Variants in ANO10 observed in about 807,000 individuals in gnomAD.
ANO10 encodes anoctamin-10.
A neutral mutation model predicts 74.7 loss-of-function variants in ANO10; 77 were observed. That is an observed-to-expected ratio of 1.03 (90% confidence interval 0.86 to 1.25). The LOEUF is 1.25. Among genes scored for constraint, ANO10 ranks in the 50% most tolerant of loss-of-function variants. The pLI is 0.00. For missense variants in ANO10, 721 were observed against 778.1 expected (o/e 0.93, Z 0.87); for synonymous variants, 279 against 284.9 (o/e 0.98, Z 0.21).
intron 4 of ANO10, among the ~76,000 whole-genome samples, chr3:43,592,895 T>TAGAGA (rs1482256632): frequency 6.6e-5 from 10 of 152,000 alleles, no homozygotes; most frequent in Admixed American, 6.6e-4. Context: ...ATAAATAGCA[T>TAGAGA]AGAGAAGAGA....
chr3:43,520,850 T>C (rs2077922691), intron 11 of ANO10, among the ~76,000 whole-genome samples: 1 of 152,194 alleles, frequency 6.6e-6, no homozygotes, highest in African/African-American at 2.4e-5. Context: ...GTTGGATCTA[T>C]AGATCAATTG....
chr3:43,374,127 G>A (rs558916444), intron 12 of ANO10, among the ~76,000 whole-genome samples: 73 of 152,166 alleles, frequency 4.8e-4, no homozygotes, highest in Non-Finnish European at 8.7e-4. Context: ...CCATGGGTCT[G>A]GGCATCAGTC....
chr3:43,550,266 A>T (rs2079398422), intron 10 of ANO10, among the ~76,000 whole-genome samples: 1 of 152,238 alleles, frequency 6.6e-6, no homozygotes, highest in Admixed American at 6.5e-5. Context: ...ATCACACACC[A>T]CATCTGACTC....
Position 43,491,351 on chromosome 3 carries a change from T to C in ANO10, c.1797+58369A>G, listed in dbSNP as rs2076714336. ...CAACATGGCGAAACCCCATCTCTACTAAAAATGCAAAAATTAGCCAGGCGT... is the reference window on the plus strand; with the variant it reads ...CAACATGGCGAAACCCCATCTCTACCAAAAATGCAAAAATTAGCCAGGCGT... On this transcript the variant is annotated intron_variant, in intron 11 of 12. Coordinates refer to ENST00000292246, the MANE Select transcript of ANO10 (RefSeq NM_018075.5). Among the ~76,000 whole-genome samples the C allele has an allele frequency of 2.6e-5, 4 of 151,946 alleles. No homozygotes were observed. In the South Asian group the frequency reaches 8.3e-4, roughly 32 times the overall value.
At chr3:43,452,726 C>G (rs957429096) in intron 11 of ANO10, among the ~76,000 whole-genome samples, 3 of 152,206 alleles carry the variant, frequency 2.0e-5, no homozygotes, top group Non-Finnish European at 2.9e-5. Flanking sequence ...CATAGTAACT[C>G]TATGGTTAAC....
chr3:43,671,668 C>G (rs1559395162), intron 1 of ANO10, among the ~76,000 whole-genome samples: 1 of 151,806 alleles, frequency 6.6e-6, no homozygotes, highest in Non-Finnish European at 1.5e-5. Flanking sequence ...ACCTTTCCAC[C>G]AAGAAAAGAA....
chr3:43,552,710 ATATATATATATATATATATG>A (rs1417632993), intron 10 of ANO10, among the ~76,000 whole-genome samples: 7 of 130,564 alleles, frequency 5.4e-5, no homozygotes, highest in African/African-American at 9.8e-5. Flanking sequence ...ATATATATAT[ATATATATATATATATATATG>A]TATGTATGTA....
upstream of ANO10, among the ~76,000 whole-genome samples, chr3:43,622,384 T>C (rs1432069980): frequency 6.6e-6 from 1 of 152,104 alleles, no homozygotes; most frequent in Non-Finnish European, 1.5e-5. Context: ...CGGGGCGGCA[T>C]GTGGCTGGGC....
chr3:43,495,254 C>T (rs1418587306), intron 11 of ANO10, among the ~76,000 whole-genome samples: 1 of 151,508 alleles, frequency 6.6e-6, no homozygotes, highest in Non-Finnish European at 1.5e-5. Flanking sequence ...AAAATTAATT[C>T]AACATCTAAA....
intron 1 of ANO10, among the ~76,000 whole-genome samples, chr3:43,672,647 T>C (rs927833670): frequency 5.3e-5 from 8 of 152,210 alleles, no homozygotes; most frequent in African/African-American, 1.9e-4. Flanking sequence ...GCTTAAAACG[T>C]GTATCCCCAT....
chr3:43,485,508 A>G (rs1215352176), intron 11 of ANO10: 4 of 264,618 alleles, frequency 1.5e-5, no homozygotes, highest in Admixed American at 1.4e-4. Flanking sequence ...CGCATGGCCC[A>G]AGATTGCATT....
upstream of ANO10, among the ~76,000 whole-genome samples, chr3:43,622,284 T>A (rs1199661023): frequency 6.6e-6 from 1 of 152,010 alleles, no homozygotes; most frequent in Non-Finnish European, 1.5e-5. Context: ...GGGGCGTGCC[T>A]AACGTACTGT....
At chr3:43,652,778 A>G (rs1292877830) in intron 1 of ANO10, among the ~76,000 whole-genome samples, 1 of 152,076 alleles carries the variant, frequency 6.6e-6, no homozygotes, top group Non-Finnish European at 1.5e-5. Flanking sequence ...AATATAAAAC[A>G]TAATTTATAT....
At chr3:43,504,639 ATTAT>A (rs1181659514) in intron 11 of ANO10, among the ~76,000 whole-genome samples, 6 of 151,868 alleles carry the variant, frequency 4.0e-5, no homozygotes, top group Non-Finnish European at 5.9e-5. Flanking sequence ...GACAGAAATA[ATTAT>A]TTATTTATTT....
intron 12 of ANO10, among the ~76,000 whole-genome samples, chr3:43,390,503 C>A (rs2092247688): frequency 6.6e-6 from 1 of 152,194 alleles, no homozygotes; most frequent in South Asian, 2.1e-4. Flanking sequence ...TTTGAAGGCA[C>A]AGTTCATGTG....
intron 11 of ANO10, among the ~76,000 whole-genome samples, chr3:43,496,499 T>A (rs1411678973): frequency 6.6e-6 from 1 of 151,958 alleles, no homozygotes; most frequent in Admixed American, 6.6e-5. Context: ...AGTGGCACGA[T>A]CTTGGCTCTC....
intron 11 of ANO10, among the ~76,000 whole-genome samples, chr3:43,533,628 C>A (rs1049367779): frequency 1.3e-5 from 2 of 152,160 alleles, no homozygotes; most frequent in African/African-American, 4.8e-5. Flanking sequence ...AAAAGCAGGA[C>A]AAAAATATTT....
chr3:43,605,725 T>C lies in ANO10; in HGVS notation c.128A>G (p.Lys43Arg), dbSNP rs778985357. The C allele has an allele frequency of 3.7e-6, 6 of 1,613,534 alleles. No homozygotes were observed. The Admixed American group carries it at 5.0e-5, about 13-fold the overall frequency. ...ACTATTTTACTCACCTCCATCTTTTTTTTTAGCTATAATTCTGTTTTTCAG... is the reference window on the plus strand; with the variant it reads ...ACTATTTTACTCACCTCCATCTTTTCTTTTAGCTATAATTCTGTTTTTCAG... ...EWLKNRIIAK[K>R]KDGGAQLLFR... Residue 43 changes from lysine (K) to arginine (R), a missense_variant, in exon 2 of 13, where the codon AAA becomes AGA. Transcript: ENST00000292246.
At chr3:43,419,261 AC>A (rs1298842462) in intron 12 of ANO10, among the ~76,000 whole-genome samples, 1 of 152,224 alleles carries the variant, frequency 6.6e-6, no homozygotes, top group Admixed American at 6.5e-5. Flanking sequence ...ACAGTATTCT[AC>A]TGATCACACA....
Sources: allele counts gnomAD v4.1 joint callset (sites outside exome capture counted in the v4.1 genomes callset), GRCh38; gene constraint gnomAD v4.1.1; transcripts MANE v1.5; gene names NCBI Gene and HGNC (gene_info 2026-07-23, HGNC 2026-07-21).